The following ALDH18A1 variants were observed in gnomAD, a reference collection of about 807,000 sequenced individuals.
ALDH18A1 encodes aldehyde dehydrogenase 18 family member A1.
In ALDH18A1, 44 loss-of-function variants were observed where a neutral mutation model predicts 88.8. The observed-to-expected ratio is 0.50, with a 90% CI of 0.39 to 0.64. The LOEUF (loss-of-function observed/expected upper bound fraction) is 0.64, where lower values mean the gene tolerates loss of function less well. Ranked by LOEUF, ALDH18A1 falls within the 30% of genes least tolerant of loss-of-function variation. The probability of loss-of-function intolerance (pLI) is 0.00; values close to 1 mark genes in which losing one functional copy is unlikely to be tolerated. For missense variants in ALDH18A1, 782 were observed against 1,009.5 expected (o/e 0.77, Z 3.05); for synonymous variants, 331 against 372.1 (o/e 0.89, Z 1.27).
chr10:95,608,600 C>T (rs2097827170), intron 17 of ALDH18A1, among the ~76,000 whole-genome samples: 1 of 152,216 alleles, frequency 6.6e-6, no homozygotes, highest in African/African-American at 2.4e-5. Context: ...CTCCTGGGCT[C>T]AAGGGATCCT....
chr10:95,648,801 A>G (rs929654392), intron 2 of ALDH18A1, among the ~76,000 whole-genome samples: 1 of 152,156 alleles, frequency 6.6e-6, no homozygotes, highest in Non-Finnish European at 1.5e-5. Context: ...CCCTAAGTCA[A>G]TCTGAGACCT....
At chr10:95,632,226 T>G (rs12769303) in intron 7 of ALDH18A1, among the ~76,000 whole-genome samples, 20,614 of 152,142 alleles carry the variant, frequency 0.14, 1,957 homozygotes, top group East Asian at 0.49. Flanking sequence ...ATGGGGAGTT[T>G]GGGTAGAAGT....
intron 13 of ALDH18A1, among the ~76,000 whole-genome samples, chr10:95,616,071 C>A (rs11592789): frequency 0.086 from 13,133 of 152,106 alleles, 693 homozygotes; most frequent in Middle Eastern, 0.16. Flanking sequence ...ATAGTGATAA[C>A]AGCATGATCT....
chr10:95,640,735 T>C (rs554823455), intron 3 of ALDH18A1, among the ~76,000 whole-genome samples: 1 of 152,288 alleles, frequency 6.6e-6, no homozygotes, highest in East Asian at 1.9e-4. Context: ...TGATAAGATG[T>C]CTATTAGTCA....
At chr10:95,612,745 C>T (rs190952438) in intron 15 of ALDH18A1, among the ~76,000 whole-genome samples, 1 of 152,208 alleles carries the variant, frequency 6.6e-6, no homozygotes, top group Non-Finnish European at 1.5e-5. Context: ...TAAAGGAGAG[C>T]TTTCCTCCTG....
At chr10:95,613,653 A>C in intron 15 of ALDH18A1, 89 bp downstream of exon 15, 1 of 1,526,194 alleles carries the variant, frequency 6.6e-7, no homozygotes, top group Non-Finnish European at 9.1e-7. Context: ...ATTGTTTCTT[A>C]AACTGCCTTA....
intron 11 of ALDH18A1, among the ~76,000 whole-genome samples, chr10:95,623,691 G>GA (rs2097856405): frequency 6.6e-6 from 1 of 152,060 alleles, no homozygotes; most frequent in African/African-American, 2.4e-5. Context: ...TCAGCCTCCT[G>GA]AGTAGCTAGG....
chr10:95,632,809 G>T, intron 7 of ALDH18A1, 150 bp downstream of exon 7: 1 of 710,114 alleles, frequency 1.4e-6, no homozygotes. Context: ...ACCCTGTTTT[G>T]AGTCATAAAA....
chr10:95,655,210 G>T (rs765440248), intron 1 of ALDH18A1, among the ~76,000 whole-genome samples: 3 of 151,834 alleles, frequency 2.0e-5, no homozygotes, highest in Non-Finnish European at 4.4e-5. Flanking sequence ...ACATATGTAA[G>T]AGTTACCCAA....
At chr10:95,611,742 C>T (rs989021310) in intron 15 of ALDH18A1, among the ~76,000 whole-genome samples, 1 of 150,704 alleles carries the variant, frequency 6.6e-6, no homozygotes, top group Non-Finnish European at 1.5e-5. Flanking sequence ...GAGGCTGAGA[C>T]GGGTGGATAA....
chr10:95,645,215 C>A (rs139620561), intron 2 of ALDH18A1, among the ~76,000 whole-genome samples: 1,744 of 152,280 alleles, frequency 0.011, 19 homozygotes, highest in Non-Finnish European at 0.014. Flanking sequence ...AGGTTCTCAG[C>A]AGGACTAAGC....
chr10:95,608,978 C>T lies in ALDH18A1; in HGVS notation c.2206+1219G>A, dbSNP rs143276865. Among the ~76,000 whole-genome samples the T allele has an allele frequency of 6.3e-3, 960 of 152,112 alleles. 11 individuals carry two copies. The highest frequency in any genetic ancestry group is 0.022 in the African/African-American group (905 of 41,500). On this transcript the variant is annotated intron_variant, in intron 17 of 17. Transcript: ENST00000371224. ...GCAACCTCTGCCTCCCAGGTTCAAG[C>T]GATTCTCCTGCCTCAGCCTCCCGAG...
intron 7 of ALDH18A1, 105 bp from the exon 8 acceptor site, chr10:95,628,597 G>C: frequency 7.3e-7 from 1 of 1,374,126 alleles, no homozygotes. Flanking sequence ...TCATCCAAAT[G>C]AATTCCACTG....
At chr10:95,625,940 A>G (rs2097859785) in intron 10 of ALDH18A1, among the ~76,000 whole-genome samples, 1 of 152,014 alleles carries the variant, frequency 6.6e-6, no homozygotes, top group Admixed American at 6.6e-5. Context: ...TCTTCCTTGT[A>G]AATTATTTAT....
chr10:95,642,872 A>T, intron 3 of ALDH18A1, 120 bp downstream of exon 3: 2 of 1,073,608 alleles, frequency 1.9e-6, no homozygotes, highest in Non-Finnish European at 2.8e-6. Context: ...ACATTGGGTT[A>T]AATCTACTGC....
At chr10:95,639,757 T>C (rs2097887844) in intron 3 of ALDH18A1, among the ~76,000 whole-genome samples, 1 of 152,148 alleles carries the variant, frequency 6.6e-6, no homozygotes, top group Admixed American at 6.5e-5. Flanking sequence ...TCAAGTCTCT[T>C]TCATTCATGG....
intron 13 of ALDH18A1, 40 bp downstream of exon 13, chr10:95,616,419 TCCCAAACACCTGATCTGG>T: frequency 6.4e-7 from 1 of 1,550,442 alleles, no homozygotes; most frequent in Non-Finnish European, 8.7e-7. Flanking sequence ...TGCTTTAAAT[TCCCAAACACCTGATCTGG>T]CCCCTCTGGG....
intron 8 of ALDH18A1, 130 bp from the exon 9 acceptor site, chr10:95,627,716 G>A (rs2097862465): frequency 8.6e-7 from 1 of 1,157,566 alleles, no homozygotes; most frequent in Admixed American, 1.9e-5. Context: ...GTTTTTAAAA[G>A]CTTAGAAGCT....
At chr10:95,625,155 A>G (rs140321579) in intron 11 of ALDH18A1, among the ~76,000 whole-genome samples, 2 of 152,284 alleles carry the variant, frequency 1.3e-5, no homozygotes, top group African/African-American at 4.8e-5. Flanking sequence ...TGGGGAATGA[A>G]AAAAGCTCCT....
Sources: gnomAD v4.1 joint callset for allele counts (sites outside exome capture counted in the v4.1 genomes callset) on GRCh38, gnomAD v4.1.1 for gene constraint, MANE v1.5 for transcripts, NCBI Gene and HGNC (gene_info 2026-07-23, HGNC 2026-07-21) for gene names.